The following TBC1D22A variants were observed in gnomAD, a reference collection of about 807,000 sequenced individuals.
TBC1D22A encodes the protein putative GTPase activator.
TBC1D22A carries 38 observed loss-of-function variants against 60.2 expected under a neutral mutation model. The ratio of observed to expected loss-of-function variants is 0.63; its 90% CI spans 0.49 to 0.83. The LOEUF is 0.83. TBC1D22A is among the 40% of genes least tolerant of loss of function. The probability of loss-of-function intolerance (pLI) is 0.00; values close to 1 mark genes in which losing one functional copy is unlikely to be tolerated. For synonymous variants in TBC1D22A, 302 were observed against 281.7 expected (o/e 1.07, Z -0.72); for missense variants, 628 against 701.0 (o/e 0.90, Z 1.18).
At chr22:47,074,205 G>A (rs1394426986) in intron 11 of TBC1D22A, among the ~76,000 whole-genome samples, 1 of 152,222 alleles carries the variant, frequency 6.6e-6, no homozygotes. Flanking sequence ...TGGACGATGC[G>A]TGTCCTAATC....
At chr22:46,808,180 A>G (rs929099139) in intron 4 of TBC1D22A, among the ~76,000 whole-genome samples, 1 of 152,142 alleles carries the variant, frequency 6.6e-6, no homozygotes, top group Non-Finnish European at 1.5e-5. Flanking sequence ...CAACATGGCA[A>G]AACCCCGTCT....
At chr22:47,025,858 G>A (rs181230331) in intron 10 of TBC1D22A, among the ~76,000 whole-genome samples, 6 of 152,200 alleles carry the variant, frequency 3.9e-5, no homozygotes, top group East Asian at 3.9e-4. Flanking sequence ...GGATAGTACC[G>A]AGTGTGTGAG....
chr22:46,930,975 G>A (rs1246818410), intron 8 of TBC1D22A, among the ~76,000 whole-genome samples: 2 of 152,176 alleles, frequency 1.3e-5, no homozygotes, highest in Non-Finnish European at 2.9e-5. Flanking sequence ...AGACACTGCT[G>A]CTCTTAGTTT....
intron 1 of TBC1D22A, among the ~76,000 whole-genome samples, chr22:46,769,393 G>C (rs1461530678): frequency 6.6e-6 from 1 of 152,230 alleles, no homozygotes; most frequent in East Asian, 1.9e-4. Flanking sequence ...GGTGCGTGCT[G>C]AGCAAGCCAT....
intron 4 of TBC1D22A, among the ~76,000 whole-genome samples, chr22:46,875,513 G>A (rs569269003): frequency 1.3e-5 from 2 of 151,902 alleles, no homozygotes; most frequent in East Asian, 1.9e-4. Flanking sequence ...GTGCAGTAGC[G>A]TGATCTCGGC....
At chr22:46,864,514 C>T (rs886898494) in intron 4 of TBC1D22A, among the ~76,000 whole-genome samples, 1 of 152,238 alleles carries the variant, frequency 6.6e-6, no homozygotes, top group Non-Finnish European at 1.5e-5. Context: ...TCTCAGGCCT[C>T]CTGTACTTTG....
intron 4 of TBC1D22A, among the ~76,000 whole-genome samples, chr22:46,873,180 C>T (rs1179015125): frequency 6.6e-6 from 1 of 152,098 alleles, no homozygotes; most frequent in Non-Finnish European, 1.5e-5. Context: ...TAGAAACAGA[C>T]TCATGAATGA....
intron 12 of TBC1D22A, among the ~76,000 whole-genome samples, chr22:47,144,130 A>G (rs2067207771): frequency 6.6e-6 from 1 of 152,184 alleles, no homozygotes; most frequent in Non-Finnish European, 1.5e-5. Flanking sequence ...ACACCAGGGA[A>G]AGGGTGTCCC....
chr22:47,001,539 G>A (rs12168093), intron 10 of TBC1D22A, among the ~76,000 whole-genome samples: 64,873 of 151,044 alleles, frequency 0.43, 16,163 homozygotes, highest in African/African-American at 0.7. Context: ...CAATCACCCT[G>A]TGGTAAAATT....
chr22:46,818,625 T>G (rs2085699485), intron 4 of TBC1D22A, among the ~76,000 whole-genome samples: 2 of 152,230 alleles, frequency 1.3e-5, no homozygotes, highest in Non-Finnish European at 2.9e-5. Flanking sequence ...TCTGTTTTGG[T>G]ACCAGTACCA....
At chr22:47,153,443 G>A (rs1356637787) in intron 12 of TBC1D22A, among the ~76,000 whole-genome samples, 2 of 152,096 alleles carry the variant, frequency 1.3e-5, no homozygotes, top group Non-Finnish European at 2.9e-5. Context: ...CCAAGCAGAG[G>A]AAACAGCATG....
chr22:47,116,025 G>C (rs374932294), intron 12 of TBC1D22A: 1 of 152,240 alleles, frequency 6.6e-6, no homozygotes, highest in Non-Finnish European at 1.5e-5. Context: ...GGCTTCCCAG[G>C]GGACTGGGGG....
intron 4 of TBC1D22A, among the ~76,000 whole-genome samples, chr22:46,853,685 C>T (rs752217745): frequency 3.0e-4 from 45 of 152,170 alleles, no homozygotes; most frequent in Admixed American, 2.4e-3. Context: ...GGAACAGGAA[C>T]GGAGAAATTA....
chr22:47,036,984 C>T, intron 10 of TBC1D22A, 87 bp from the exon 11 acceptor site: 2 of 1,561,188 alleles, frequency 1.3e-6, no homozygotes, highest in South Asian at 1.2e-5. Context: ...GAGGCGGGCG[C>T]AGGCCCTTGG....
chr22:46,938,579 T>A (rs1361617857), intron 8 of TBC1D22A, among the ~76,000 whole-genome samples: 1 of 150,838 alleles, frequency 6.6e-6, no homozygotes, highest in Non-Finnish European at 1.5e-5. Flanking sequence ...TATTAATCAG[T>A]TATTTCTCTC....
intron 11 of TBC1D22A, among the ~76,000 whole-genome samples, chr22:47,110,018 C>T (rs1187366293): frequency 1.3e-5 from 2 of 152,068 alleles, no homozygotes; most frequent in African/African-American, 4.8e-5. Context: ...CTCAGAGCCC[C>T]GAGGATCTGT....
intron 10 of TBC1D22A, among the ~76,000 whole-genome samples, chr22:47,029,825 C>A (rs527350221): frequency 9.6e-4 from 146 of 152,386 alleles, no homozygotes; most frequent in African/African-American, 3.3e-3. Context: ...CCTTGGTGAG[C>A]GGCCACAGTG....
chr22:46,937,337 G>A (rs976237132), intron 8 of TBC1D22A, among the ~76,000 whole-genome samples: 3 of 152,180 alleles, frequency 2.0e-5, no homozygotes, highest in Non-Finnish European at 4.4e-5. Flanking sequence ...AACACTGGAT[G>A]GCGTATACCA....
intron 8 of TBC1D22A, among the ~76,000 whole-genome samples, chr22:46,964,268 T>G (rs953550693): frequency 6.6e-6 from 1 of 152,172 alleles, no homozygotes; most frequent in Non-Finnish European, 1.5e-5. Flanking sequence ...TATCTGTCAC[T>G]TAGGAAGAAG....
Sources: gnomAD v4.1 joint callset for allele counts (sites outside exome capture counted in the v4.1 genomes callset) on GRCh38, gnomAD v4.1.1 for gene constraint, MANE v1.5 for transcripts, NCBI Gene and HGNC (gene_info 2026-07-23, HGNC 2026-07-21) for gene names.